HSD17B14: variants seen among roughly 807,000 people sequenced by gnomAD.
The protein encoded by HSD17B14 is hydroxysteroid 17-beta dehydrogenase 14, also known as L-fucose dehydrogenase.
A neutral mutation model predicts 32.2 loss-of-function variants in HSD17B14; 32 were observed. The observed-to-expected ratio is 0.99, with a 90% CI of 0.75 to 1.33. HSD17B14 has a LOEUF of 1.33. Ranked by LOEUF, HSD17B14 falls within the 40% of genes most tolerant of loss-of-function variation. The probability of loss-of-function intolerance (pLI) is 0.00; values close to 1 mark genes in which losing one functional copy is unlikely to be tolerated. For synonymous variants in HSD17B14, 140 were observed against 155.4 expected (o/e 0.90, Z 0.74); for missense variants, 370 against 366.5 (o/e 1.01, Z -0.08).
chr19:48,832,621 TGG>T, intron 4 of HSD17B14, 43 bp downstream of exon 4: 1 of 1,537,104 alleles, frequency 6.5e-7, no homozygotes, highest in Non-Finnish European at 9.0e-7. Flanking sequence ...GAAACAGAGT[TGG>T]GGGGCAGGAG....
chr19:48,832,145 C>T (rs979854504), intron 4 of HSD17B14, among the ~76,000 whole-genome samples: 8 of 146,600 alleles, frequency 5.5e-5, no homozygotes, highest in South Asian at 4.3e-4. Flanking sequence ...TTGGGGAGGC[C>T]GAGGTGGGCA....
intron 5 of HSD17B14, among the ~76,000 whole-genome samples, chr19:48,815,612 G>A (rs2035037758): frequency 6.6e-6 from 1 of 152,118 alleles, no homozygotes; most frequent in Non-Finnish European, 1.5e-5. Context: ...CTGGGCTCAA[G>A]CAATCCTCCC....
At chr19:48,830,215 C>T (rs1274928793) in intron 5 of HSD17B14, among the ~76,000 whole-genome samples, 1 of 152,068 alleles carries the variant, frequency 6.6e-6, no homozygotes, top group East Asian at 1.9e-4. Flanking sequence ...AGCTGACTCC[C>T]AGCACATCAA....
rs1349871925 is a variant in HSD17B14, at chr19:48,832,806, T to G, written c.211-74A>C. 5 of 1,282,790 alleles carry G rather than the reference T, an allele frequency of 3.9e-6. No individual in the cohort carries two copies. In the African/African-American group the frequency reaches 7.4e-5, roughly 19 times the overall value. The allele number at this position is 1,282,790 out of a possible 1,614,324, so 79.5% of individuals were successfully genotyped here. A position where few individuals can be genotyped will look rare whatever the true frequency, so the allele number is the denominator to read the frequency against. On this transcript the variant is annotated intron_variant, in intron 3 of 8. Coordinates refer to ENST00000263278, the MANE Select transcript of HSD17B14 (RefSeq NM_016246.3). ...CTCCCTCTTGTCACTCAGGCTGGAG[T>G]GCATTGGCACGATCTTGGCTCACTG...
At position 48,813,174 on chromosome 19, in the gene HSD17B14, A is replaced by T. The variant is rs773162225; in HGVS notation, c.*1T>A. The T allele has an allele frequency of 9.5e-6, 15 of 1,581,702 alleles. No homozygotes were observed. Among genetic ancestry groups the T allele is most frequent in the African/African-American group, 1.4e-5 (1 of 74,000 alleles). The stretch of plus-strand genomic sequence containing the variant: ...GGGGCCCCAAGTAGAAATGAGAGAA[A>T]TCAGGAAGGGATATCGGGGGCGTCC... On this transcript the variant is annotated 3_prime_UTR_variant, in exon 9 of 9. Transcript: ENST00000263278.
chr19:48,835,990 T>G, intron 1 of HSD17B14, 147 bp from the exon 2 acceptor site: 1 of 701,980 alleles, frequency 1.4e-6, no homozygotes, highest in African/African-American at 1.8e-5. Context: ...GCAGACGCCT[T>G]GACACATACT....
intron 2 of HSD17B14, 38 bp downstream of exon 2, chr19:48,835,767 G>A (rs1268929812): frequency 2.5e-6 from 4 of 1,611,114 alleles, no homozygotes; most frequent in Non-Finnish European, 3.4e-6. Flanking sequence ...GTCTGAGGGA[G>A]GAAGGGCCAA....
chr19:48,816,066 C>T (rs1599824757), intron 5 of HSD17B14, among the ~76,000 whole-genome samples: 1 of 151,578 alleles, frequency 6.6e-6, no homozygotes, highest in South Asian at 2.1e-4. Context: ...TTCCTGCCAC[C>T]GTTTCTCCTG....
intron 4 of HSD17B14, among the ~76,000 whole-genome samples, chr19:48,832,251 C>T (rs867988981): frequency 6.8e-6 from 1 of 146,376 alleles, no homozygotes; most frequent in Non-Finnish European, 1.5e-5. Flanking sequence ...TGCTGGTGGG[C>T]GCCTGTAATC....
At chr19:48,830,431 G>C (rs530559467) in intron 5 of HSD17B14, among the ~76,000 whole-genome samples, 1 of 151,698 alleles carries the variant, frequency 6.6e-6, no homozygotes, top group African/African-American at 2.4e-5. Flanking sequence ...AACTTTTTTT[G>C]CCTGCTTTAC....
chr19:48,824,902 T>A (rs976423859), intron 5 of HSD17B14, among the ~76,000 whole-genome samples: 1 of 151,998 alleles, frequency 6.6e-6, no homozygotes, highest in Non-Finnish European at 1.5e-5. Flanking sequence ...TAAAAAGCAT[T>A]CTAATACACT....
chr19:48,826,055 C>T (rs938433379), intron 5 of HSD17B14, among the ~76,000 whole-genome samples: 3 of 151,590 alleles, frequency 2.0e-5, no homozygotes, highest in East Asian at 2.0e-4. Flanking sequence ...CTCCTGACCT[C>T]GGGATCCGCC....
intron 5 of HSD17B14, among the ~76,000 whole-genome samples, chr19:48,830,609 A>G (rs946545770): frequency 3.9e-5 from 6 of 151,978 alleles, no homozygotes; most frequent in Admixed American, 2.0e-4. Context: ...GCGTTTCTCT[A>G]TAACTCGCTC....
chr19:48,827,560 T>C (rs141033613), intron 5 of HSD17B14, among the ~76,000 whole-genome samples: 567 of 151,908 alleles, frequency 3.7e-3, no homozygotes, highest in African/African-American at 0.013. Flanking sequence ...TTTTTTTAGA[T>C]AGAGTCTTGC....
chr19:48,834,528 G>A (rs112497380), intron 2 of HSD17B14, among the ~76,000 whole-genome samples, 170 bp from the exon 3 acceptor site: 75 of 97,540 alleles, frequency 7.7e-4, no homozygotes, highest in Middle Eastern at 5.0e-3. Context: ...AGGGCCTGGG[G>A]GCCTGGACTC....
chr19:48,835,326 A>C (rs1288036282), intron 2 of HSD17B14, among the ~76,000 whole-genome samples: 1 of 96,816 alleles, frequency 1.0e-5, no homozygotes, highest in Non-Finnish European at 1.9e-5. Context: ...GGTCTGAGGG[A>C]GGAGGGGCTG....
In HSD17B14 at chr19:48,834,359, C is replaced by G; in HGVS notation, c.128-1G>C. ...TGCTCCAGGGCCCGGCCCCCAGACT[C>G]TGCAGGGAGAGAAGAGCTGGGAGCC... On this transcript the variant is annotated splice_acceptor_variant, in intron 2 of 8. Transcript: ENST00000263278. LOFTEE classifies it high-confidence loss of function. 6.2e-7 allele frequency: 1 copy of G among 1,611,604 alleles called. No homozygotes were observed. The highest frequency in any genetic ancestry group is 8.5e-7 in the Non-Finnish European group (1 of 1,178,376).
intron 5 of HSD17B14, among the ~76,000 whole-genome samples, chr19:48,817,883 C>T (rs984433244): frequency 6.6e-5 from 10 of 152,190 alleles, no homozygotes; most frequent in Admixed American, 3.3e-4. Context: ...ATTTCACAAG[C>T]GAGGAGACTA....
chr19:48,819,169 A>G (rs2035105475), intron 5 of HSD17B14, among the ~76,000 whole-genome samples: 1 of 152,026 alleles, frequency 6.6e-6, no homozygotes, highest in African/African-American at 2.4e-5. Context: ...TTGTATTTTT[A>G]GTAGCAACGG....
Sources: allele counts gnomAD v4.1 joint callset (sites outside exome capture counted in the v4.1 genomes callset), GRCh38; gene constraint gnomAD v4.1.1; transcripts MANE v1.5; gene names NCBI Gene and HGNC (gene_info 2026-07-23, HGNC 2026-07-21).